The following KIAA1217 variants were observed in gnomAD, a reference collection of about 807,000 sequenced individuals.
KIAA1217 encodes KIAA1217, also known as sickle tail protein homolog.
In KIAA1217, 88 loss-of-function variants were observed where a neutral mutation model predicts 163.9. The ratio of observed to expected loss-of-function variants is 0.54; its 90% CI spans 0.45 to 0.64. The LOEUF (loss-of-function observed/expected upper bound fraction) is 0.64. Ranked by LOEUF, KIAA1217 falls within the 30% of genes least tolerant of loss-of-function variation. The probability of loss-of-function intolerance (pLI) is 0.00; values close to 1 mark genes in which losing one functional copy is unlikely to be tolerated. For synonymous variants in KIAA1217, 903 were observed against 923.1 expected, an observed-to-expected ratio of 0.98 and a Z score of 0.39; for missense variants, 2,372 against 2,475.0, an observed-to-expected ratio of 0.96 and a Z score of 0.88.
intron 2 of KIAA1217, among the ~76,000 whole-genome samples, chr10:24,147,717 C>T (rs1044838330): frequency 6.6e-6 from 1 of 150,400 alleles, no homozygotes; most frequent in Non-Finnish European, 1.5e-5. Context: ...CCTGTAATCC[C>T]AACTACTCAG....
At chr10:24,004,277 G>T (rs1184496231) in intron 1 of KIAA1217, among the ~76,000 whole-genome samples, 1 of 149,884 alleles carries the variant, frequency 6.7e-6, no homozygotes, top group African/African-American at 2.5e-5. Flanking sequence ...GCACCCGGCC[G>T]AGGGCTTTTT....
At chr10:24,058,120 T>G (rs1176426357) in intron 2 of KIAA1217, among the ~76,000 whole-genome samples, 1 of 152,204 alleles carries the variant, frequency 6.6e-6, no homozygotes, top group Admixed American at 6.5e-5. Flanking sequence ...TGTGGCTATC[T>G]AATTTTGCCA....
chr10:23,892,176 C>T lies in KIAA1217; in HGVS notation c.-320-115049C>T, dbSNP rs778358520. ...AGTAAATGTCTTACATTTCAACAAACCATTAATCAAAATTAAAAGAAGGGA... is the reference window on the plus strand; with the variant it reads ...AGTAAATGTCTTACATTTCAACAAATCATTAATCAAAATTAAAAGAAGGGA... On this transcript the variant is annotated intron_variant, in intron 1 of 18. Transcript: ENST00000376462. Among the ~76,000 whole-genome samples, 4 of 151,560 alleles carry T rather than the reference C, an allele frequency of 2.6e-5. No homozygotes were observed. In the East Asian group the frequency reaches 7.8e-4, roughly 30 times the overall value.
chr10:24,126,217 T>A (rs1182228781), intron 2 of KIAA1217, among the ~76,000 whole-genome samples: 4 of 152,226 alleles, frequency 2.6e-5, no homozygotes, highest in Non-Finnish European at 5.9e-5. Flanking sequence ...TATCCTCTTA[T>A]ACAACTGCAT....
intron 2 of KIAA1217, among the ~76,000 whole-genome samples, chr10:24,318,184 G>GAGGT (rs545853534): frequency 1.3e-5 from 2 of 152,134 alleles, no homozygotes; most frequent in South Asian, 4.1e-4. Flanking sequence ...TTAGATTAGA[G>GAGGT]AGGTAGGTAG....
intron 3 of KIAA1217, among the ~76,000 whole-genome samples, chr10:24,427,695 G>A (rs553493702): frequency 6.6e-6 from 1 of 152,250 alleles, no homozygotes; most frequent in East Asian, 1.9e-4. Flanking sequence ...AGGGAGTTTG[G>A]GAGGCAGAGT....
intron 2 of KIAA1217, among the ~76,000 whole-genome samples, chr10:24,126,035 T>C (rs1183065352): frequency 6.6e-6 from 1 of 152,208 alleles, no homozygotes; most frequent in Admixed American, 6.5e-5. Flanking sequence ...TCTATACTAA[T>C]CTTCATTCCT....
intron 3 of KIAA1217, among the ~76,000 whole-genome samples, chr10:24,404,699 C>A: frequency 6.6e-6 from 1 of 151,554 alleles, no homozygotes; most frequent in Non-Finnish European, 1.5e-5. Flanking sequence ...ATATTACTAG[C>A]AGCTTTGTTT....
At chr10:24,259,080 T>A (rs981862715) in intron 2 of KIAA1217, among the ~76,000 whole-genome samples, 3 of 152,000 alleles carry the variant, frequency 2.0e-5, no homozygotes, top group African/African-American at 7.2e-5. Context: ...TCAACTGTGA[T>A]GAGATTCCAG....
At chr10:24,230,505 T>TTA (rs1192619185) in intron 2 of KIAA1217, among the ~76,000 whole-genome samples, 114 of 134,458 alleles carry the variant, frequency 8.5e-4, no homozygotes, top group African/African-American at 3.2e-3. Context: ...TTGTTTTGTT[T>TTA]TTTTTTTTTT....
chr10:23,967,212 G>A (rs139430415), intron 1 of KIAA1217, among the ~76,000 whole-genome samples: 2,187 of 151,968 alleles, frequency 0.014, 25 homozygotes, highest in South Asian at 0.037. Context: ...TTTACCCATC[G>A]AAATTAAATG....
chr10:23,983,358 T>C (rs1245267028), intron 1 of KIAA1217, among the ~76,000 whole-genome samples: 2 of 152,196 alleles, frequency 1.3e-5, no homozygotes, highest in African/African-American at 4.8e-5. Flanking sequence ...AAAAGAAGTT[T>C]AATTGGCTCA....
At chr10:24,023,063 G>C (rs1326866642) in intron 2 of KIAA1217, among the ~76,000 whole-genome samples, 1 of 151,610 alleles carries the variant, frequency 6.6e-6, no homozygotes, top group Non-Finnish European at 1.5e-5. Flanking sequence ...CTACTAGTGA[G>C]CCTAGCCATC....
intron 2 of KIAA1217, among the ~76,000 whole-genome samples, chr10:24,045,948 G>A (rs1212812313): frequency 6.6e-6 from 1 of 152,070 alleles, no homozygotes; most frequent in East Asian, 1.9e-4. Flanking sequence ...CCACCAAATG[G>A]AAAGTGAATG....
At chr10:24,126,877 A>T (rs994276198) in intron 2 of KIAA1217, among the ~76,000 whole-genome samples, 1 of 152,060 alleles carries the variant, frequency 6.6e-6, no homozygotes, top group East Asian at 1.9e-4. Flanking sequence ...AGACCCATTA[A>T]GTCCCCTTAA....
intron 1 of KIAA1217, among the ~76,000 whole-genome samples, chr10:23,819,157 CTCCTT>C (rs1837501004): frequency 6.6e-6 from 1 of 152,174 alleles, no homozygotes; most frequent in Non-Finnish European, 1.5e-5. Flanking sequence ...TATTCACTCT[CTCCTT>C]CTTTCTTGGG....
chr10:24,000,180 C>G (rs928949411), intron 1 of KIAA1217, among the ~76,000 whole-genome samples: 1 of 152,092 alleles, frequency 6.6e-6, no homozygotes, highest in Non-Finnish European at 1.5e-5. Flanking sequence ...AAAAGTATAC[C>G]TTTATATAAC....
intron 2 of KIAA1217, among the ~76,000 whole-genome samples, chr10:24,275,955 C>T (rs1437545484): frequency 6.6e-6 from 1 of 152,086 alleles, no homozygotes; most frequent in Non-Finnish European, 1.5e-5. Flanking sequence ...GTGGGCTTGG[C>T]GATGTTGCAT....
chr10:24,367,725 C>A (rs899348483), intron 2 of KIAA1217, among the ~76,000 whole-genome samples: 21 of 152,190 alleles, frequency 1.4e-4, no homozygotes, highest in Middle Eastern at 6.3e-3. Context: ...TGGAAATAAA[C>A]ACATTTCTTT....
Sources: allele counts gnomAD v4.1 joint callset (sites outside exome capture counted in the v4.1 genomes callset), GRCh38; gene constraint gnomAD v4.1.1; transcripts MANE v1.5; gene names NCBI Gene and HGNC (gene_info 2026-07-23, HGNC 2026-07-21).